Variants in CCNB3 observed in about 807,000 individuals in gnomAD.
CCNB3 encodes the protein G2/mitotic-specific cyclin-B3.
CCNB3 carries 12 observed loss-of-function variants against 68.0 expected under a neutral mutation model. The observed-to-expected ratio is 0.18, with a 90% confidence interval of 0.11 to 0.29. The LOEUF (loss-of-function observed/expected upper bound fraction) is 0.29, where lower values mean the gene tolerates loss of function less well. CCNB3 is among the 10% of genes least tolerant of loss of function. CCNB3 has a pLI of 1.00. For missense variants in CCNB3, 904 were observed against 993.1 expected (o/e 0.91, Z 1.21); for synonymous variants, 354 against 388.9 (o/e 0.91, Z 1.06).
chrX:50,224,108 T>A (rs1935715844), intron 1 of CCNB3, among the ~76,000 whole-genome samples: 1 of 111,793 alleles, frequency 8.9e-6, no homozygotes, highest in African/African-American at 3.2e-5. Context: ...ATATAAATTT[T>A]AAAATTTTTA....
intron 1 of CCNB3, among the ~76,000 whole-genome samples, chrX:50,228,661 AATATATATAGAATATATATAGAAT>A (rs1935980661): frequency 6.9e-5 from 5 of 72,064 alleles, no homozygotes; most frequent in African/African-American, 2.9e-4. Context: ...GAATATATAG[AATATATATAGAATATATATAGAAT>A]ATATACATAG....
intron 1 of CCNB3, among the ~76,000 whole-genome samples, chrX:50,280,366 T>G (rs1298461163): frequency 2.8e-5 from 3 of 105,301 alleles, no homozygotes; most frequent in Non-Finnish European, 5.8e-5. Context: ...ATCAGGTGAT[T>G]AATAAATGTT....
intron 8 of CCNB3, among the ~76,000 whole-genome samples, chrX:50,316,278 C>T (rs888035157): frequency 2.2e-4 from 25 of 111,414 alleles, no homozygotes; most frequent in African/African-American, 7.5e-4. Flanking sequence ...GCTGTGAGTT[C>T]GTTAAACCTC....
At chrX:50,227,152 A>G (rs1273810391) in intron 1 of CCNB3, among the ~76,000 whole-genome samples, 2 of 81,824 alleles carry the variant, frequency 2.4e-5, no homozygotes, top group Non-Finnish European at 4.4e-5. Context: ...TATATATACA[A>G]TATATGTAGA....
intron 4 of CCNB3, among the ~76,000 whole-genome samples, chrX:50,292,743 A>G (rs1194393698): frequency 1.8e-5 from 2 of 111,178 alleles, no homozygotes; most frequent in Non-Finnish European, 3.8e-5. Context: ...TGGTGCTCAA[A>G]TTGCCCCATC....
intron 4 of CCNB3, among the ~76,000 whole-genome samples, chrX:50,293,454 T>C (rs1268129227): frequency 9.0e-6 from 1 of 111,299 alleles, no homozygotes; most frequent in Non-Finnish European, 1.9e-5. Context: ...TTAGTCATGA[T>C]GTTAGGTTGT....
At chrX:50,301,881 G>A (rs1290924289) in intron 5 of CCNB3, among the ~76,000 whole-genome samples, 1 of 112,485 alleles carries the variant, frequency 8.9e-6, no homozygotes, top group Non-Finnish European at 1.9e-5. Context: ...TTTGATCTCA[G>A]ACTGCTGTGC....
upstream of CCNB3, among the ~76,000 whole-genome samples, chrX:50,204,047 T>C (rs995696287): frequency 1.8e-5 from 2 of 111,875 alleles, no homozygotes. Flanking sequence ...CTTTTCCTAT[T>C]CCTAGATTAC....
intron 5 of CCNB3, among the ~76,000 whole-genome samples, chrX:50,296,129 TTTATTA>T (rs1186543091): frequency 2.0e-3 from 218 of 110,627 alleles, no homozygotes; most frequent in African/African-American, 6.2e-3. Context: ...TCTTTGTTTT[TTTATTA>T]TTATTATTAT....
chrX:50,226,235 TTATA>T (rs1216491483), intron 1 of CCNB3, among the ~76,000 whole-genome samples: 22 of 61,020 alleles, frequency 3.6e-4, no homozygotes, highest in African/African-American at 1.5e-3. Context: ...ATATATATAT[TTATA>T]TATATAGAAT....
At position 50,226,248 on chromosome X, in the gene CCNB3, ATATATATATT is replaced by A. The variant is rs1323193012; in HGVS notation, c.-113+21308_-113+21317del. On this transcript the variant is annotated intron_variant, in intron 1 of 12. Coordinates refer to ENST00000376042, the MANE Select transcript of CCNB3 (RefSeq NM_033031.3). ...GAATATATATATTTATATATATAGA[ATATATATATT>A]TATATATATAGAATATATATATTTA... 2.1e-3 allele frequency among the ~76,000 whole-genome samples: 144 copies of A among 67,102 alleles called. 2 individuals carry two copies. The highest frequency in any genetic ancestry group is 9.1e-3 in the African/African-American group (141 of 15,412). The allele number at this position is 67,102 out of a possible 115,157, so 58.3% of individuals were successfully genotyped here.
chrX:50,292,351 G>T (rs1159694456), intron 4 of CCNB3, among the ~76,000 whole-genome samples: 1 of 109,506 alleles, frequency 9.1e-6, no homozygotes, highest in Non-Finnish European at 1.9e-5. Context: ...CATTTTTGAG[G>T]ATGCAGTCCC....
chrX:50,290,304 G>A (rs782588036), intron 4 of CCNB3, among the ~76,000 whole-genome samples: 12 of 111,770 alleles, frequency 1.1e-4, no homozygotes, highest in Non-Finnish European at 1.9e-4. Flanking sequence ...AGATCAAGGT[G>A]CTGGCAGATT....
At chrX:50,227,795 A>G (rs1329952594) in intron 1 of CCNB3, among the ~76,000 whole-genome samples, 1 of 87,056 alleles carries the variant, frequency 1.1e-5, no homozygotes, top group African/African-American at 4.3e-5. Flanking sequence ...ATAAATATAT[A>G]TAGAGAATAA....
chrX:50,335,859 C>G (rs1328092717), intron 8 of CCNB3, among the ~76,000 whole-genome samples: 2 of 111,761 alleles, frequency 1.8e-5, no homozygotes, highest in Non-Finnish European at 3.8e-5. Flanking sequence ...CTCTTCCCAG[C>G]AAAGGCAAGG....
chrX:50,289,630 T>C, intron 4 of CCNB3, among the ~76,000 whole-genome samples: 1 of 111,928 alleles, frequency 8.9e-6, no homozygotes, highest in African/African-American at 3.2e-5. Context: ...CATGTTATCC[T>C]GCATCAGCTC....
chrX:50,211,434 C>T (rs1270955761), intron 1 of CCNB3, among the ~76,000 whole-genome samples: 5 of 111,583 alleles, frequency 4.5e-5, no homozygotes, highest in Non-Finnish European at 9.4e-5. Flanking sequence ...GAGGCTGAGG[C>T]AGGAGGATTG....
At chrX:50,317,649 A>G (rs1173582808) in intron 8 of CCNB3, among the ~76,000 whole-genome samples, 5 of 110,141 alleles carry the variant, frequency 4.5e-5, no homozygotes, top group African/African-American at 1.7e-4. Context: ...AGCTTACTGC[A>G]ACCTCCGCCT....
At chrX:50,348,935 T>G (rs1185220461) in intron 11 of CCNB3, among the ~76,000 whole-genome samples, 1 of 112,714 alleles carries the variant, frequency 8.9e-6, no homozygotes, top group Non-Finnish European at 1.9e-5. Flanking sequence ...GGGGGACAGC[T>G]GATGGGTTCA....
Sources: allele counts gnomAD v4.1 joint callset (sites outside exome capture counted in the v4.1 genomes callset), GRCh38; gene constraint gnomAD v4.1.1; transcripts MANE v1.5; gene names NCBI Gene and HGNC (gene_info 2026-07-23, HGNC 2026-07-21).